Variants in ATP13A1 observed in about 807,000 individuals in gnomAD.
ATP13A1 encodes the protein ATPase 13A1, also known as endoplasmic reticulum transmembrane helix translocase.
Under a neutral mutation model 134.8 loss-of-function variants are expected in ATP13A1, and 55 were observed. The ratio of observed to expected loss-of-function variants is 0.41; its 90% CI spans 0.33 to 0.51. The LOEUF is 0.51. ATP13A1 is among the 20% of genes least tolerant of loss of function. The probability of loss-of-function intolerance (pLI) is 0.29; values close to 1 mark genes in which losing one functional copy is unlikely to be tolerated. For synonymous variants in ATP13A1, 775 were observed against 725.1 expected, an observed-to-expected ratio of 1.07 and a Z score of -1.10; for missense variants, 1,389 against 1,652.8, an observed-to-expected ratio of 0.84 and a Z score of 2.77.
rs1028999356 is a variant in ATP13A1 at position 19,655,859 on chromosome 19, C to T, written c.1269+19G>A. ...TCCAACTGCCCTGGGGCCCGCCCTC[C>T]CCAGACCTGGCCCCGCACCTGGGAT... On this transcript the variant is annotated intron_variant, in intron 9 of 25. Coordinates refer to ENST00000357324, the MANE Select transcript of ATP13A1 (RefSeq NM_020410.3). This position sits in a 1 kb window ranked among gnomAD's most constrained non-coding sequence, Gnocchi z 5.7. 7 of 1,571,332 alleles carry T rather than the reference C, an allele frequency of 4.5e-6. No individual in the cohort carries two copies. Among genetic ancestry groups the T allele is most frequent in the African/African-American group, 1.3e-5 (1 of 74,182 alleles).
In ATP13A1 at chr19:19,647,866, G is replaced by T; in HGVS notation, c.2633-107C>A. 7.2e-7 allele frequency: 1 copy of T among 1,386,254 alleles called. No individual in the cohort carries two copies. The allele number at this position is 1,386,254 out of a possible 1,614,324, so 85.9% of individuals were successfully genotyped here. A position where few individuals can be genotyped will look rare whatever the true frequency, so the allele number is the denominator to read the frequency against. On this transcript the variant is annotated intron_variant, in intron 19 of 25. Coordinates refer to ENST00000357324, the MANE Select transcript of ATP13A1 (RefSeq NM_020410.3). This position sits in a 1 kb window ranked among gnomAD's most constrained non-coding sequence, Gnocchi z 4.8. ...AAGTCCCCCAGCTGGCTCCCGTGAG[G>T]ACAGTTCCCAGACTTCCCCATTTCA...
At chr19:19,658,605 C>T (rs542273003) in intron 3 of ATP13A1, among the ~76,000 whole-genome samples, 2 of 152,252 alleles carry the variant, frequency 1.3e-5, no homozygotes, top group African/African-American at 2.4e-5. Context: ...GGTTGAGGAC[C>T]ATCGTAACAA....
Position 19,645,697 on chromosome 19 carries a change from A to G in ATP13A1, c.3454T>C (p.Ser1152Pro). The change falls in exon 25 of 26, where the codon TCC becomes CCC. Residue 1152 changes from serine to proline, a missense_variant. Around this residue, in one of 4 missense-constraint regions of ATP13A1, gnomAD observed 228 missense variants for 321.0 expected, o/e 0.71. Transcript: ENST00000357324. The surrounding 1 kb of genome is among the most constrained non-coding windows in gnomAD (Gnocchi z 4.1). ...LLAIIGLLLG[S>P]SPDFNSQFGL... ...AACTGGCTGTTGAAGTCGGGCGAGG[A>G]GCCGAGGAGCAGGCCAATGATGGCC... 2 of 1,582,570 alleles carry G rather than the reference A, an allele frequency of 1.3e-6. No homozygotes were observed. Among genetic ancestry groups the G allele is most frequent in the African/African-American group, 1.3e-5 (1 of 74,456 alleles).
chr19:19,662,396 T>C, intron 1 of ATP13A1: 3 of 981,474 alleles, frequency 3.1e-6, no homozygotes, highest in Non-Finnish European at 3.6e-6. Context: ...TAGCCCTTGA[T>C]GCTGTTCCCT....
rs892035 is a variant in ATP13A1 at position 19,647,381 on chromosome 19, T to C, written c.2908+33A>G. ...GTGGGTAGGGGTGCCAAGGGGGGAA[T>C]GAAGGGAGGGGGAGCGGGGGCAGGC... On this transcript the variant is annotated intron_variant, in intron 21 of 25. Transcript: ENST00000357324. This position sits in a 1 kb window ranked among gnomAD's most constrained non-coding sequence, Gnocchi z 4.8. 0.74 allele frequency: 1,177,375 copies of C among 1,589,988 alleles called. 436,377 individuals carry two copies. The highest frequency in any genetic ancestry group is 0.89 in the African/African-American group (65,307 of 73,314).
rs992240905 is a variant in ATP13A1 at position 19,647,386 on chromosome 19, G to A, written c.2908+28C>T. On this transcript the variant is annotated intron_variant, in intron 21 of 25. Transcript: ENST00000357324. This position sits in a 1 kb window ranked among gnomAD's most constrained non-coding sequence, Gnocchi z 4.8. ...TAGGGGTGCCAAGGGGGGAATGAAG[G>A]GAGGGGGAGCGGGGGCAGGCAACTC... 3 of 1,606,662 alleles carry A rather than the reference G, an allele frequency of 1.9e-6. No individual in the cohort carries two copies. The highest frequency in any genetic ancestry group is 1.7e-6 in the Non-Finnish European group (2 of 1,175,308).
rs780148950 is a variant in ATP13A1 at position 19,655,922 on chromosome 19, C to T, written c.1225G>A (p.Gly409Arg). Residue 409 changes from glycine (G) to arginine (R), a missense_variant, in exon 9 of 26, where the codon GGG becomes AGG. Around this residue, in one of 4 missense-constraint regions of ATP13A1, gnomAD observed 747 missense variants for 956.1 expected, o/e 0.78. Transcript: ENST00000357324. The surrounding 1 kb of genome is among the most constrained non-coding windows in gnomAD (Gnocchi z 5.7). The part of the protein sequence containing the change: ...ATTGLKPVDS[G>R]CVAYVLRTGF... ...GTCCGCAGGACGTAGGCCACGCACC[C>T]GCTGTCAACCGCTGGGGAGAGAAGC... 36 of 1,600,492 alleles carry T rather than the reference C, an allele frequency of 2.2e-5. No homozygotes were observed. The highest frequency in any genetic ancestry group is 2.8e-5 in the Non-Finnish European group (33 of 1,177,628).
rs1015659449 is a variant in ATP13A1, at chr19:19,662,194, CCCTTAACCCCT to C, written c.396+1066_396+1076del. 7 of 1,541,428 alleles carry C rather than the reference CCCTTAACCCCT, an allele frequency of 4.5e-6. No individual in the cohort carries two copies. In the African/African-American group the frequency reaches 9.6e-5, roughly 21 times the overall value. On this transcript the variant is annotated intron_variant, in intron 1 of 25. Transcript: ENST00000357324. ...CTGAAGTTTGAGCGGTGCCACAGTC[CCCTTAACCCCT>C]CCTTTATTTTGTCCCTCATTGGTGT...
intron 22 of ATP13A1, chr19:19,646,710 T>A: frequency 2.6e-6 from 1 of 388,878 alleles, no homozygotes; most frequent in Non-Finnish European, 4.8e-6. Flanking sequence ...CCATGCCTGT[T>A]TGGGGCCTTT....
rs773530917 is a variant in ATP13A1, at chr19:19,655,389, C to T, written c.1461G>A (p.Ser487=). 9 of 1,613,918 alleles carry T rather than the reference C, an allele frequency of 5.6e-6. No individual in the cohort carries two copies. Among genetic ancestry groups the T allele is most frequent in the South Asian group, 2.2e-5 (2 of 91,076 alleles). ...LFLECTLILT[S]VVPPELPIEL... ...CGATGGGCAGCTCAGGAGGCACGAC[C>T]GAGGTGAGGATCAGGGTGCACTCCA... The change falls in exon 11 of 26, where the codon TCG becomes TCA. Residue 487 remains serine (S), a synonymous_variant. Transcript: ENST00000357324. The surrounding 1 kb of genome is among the most constrained non-coding windows in gnomAD (Gnocchi z 5.7).
rs1359939019 is a variant in ATP13A1, at chr19:19,645,601, G to C, written c.3504+46C>G. On this transcript the variant is annotated intron_variant, in intron 25 of 25. Coordinates refer to ENST00000357324, the MANE Select transcript of ATP13A1 (RefSeq NM_020410.3). The surrounding 1 kb of genome is among the most constrained non-coding windows in gnomAD (Gnocchi z 4.1). ...AGCTCAGGGTCACTGCCATAGGAGG[G>C]ACCCATCAAGCTGAGCCCCAGGGTC... 1 of 1,560,492 alleles carries C rather than the reference G, an allele frequency of 6.4e-7. No homozygotes were observed. The highest frequency in any genetic ancestry group is 1.9e-5 in the Admixed American group (1 of 51,550).
rs755570871 is a variant in ATP13A1 at position 19,655,341 on chromosome 19, G to A, written c.1509C>T (p.Thr503=). ...LPIELSLAVN[T]SLIALAKLYM... ...AGAGCTTGGCCAGGGCGATGAGGGA[G>A]GTGTTGACGGCCAGGGACAGCTCGA... Residue 503 remains threonine (T), a synonymous_variant, in exon 11 of 26, where the codon ACC becomes ACT. Transcript: ENST00000357324. This position sits in a 1 kb window ranked among gnomAD's most constrained non-coding sequence, Gnocchi z 5.7. 1 of 1,613,998 alleles carries A rather than the reference G, an allele frequency of 6.2e-7. No individual in the cohort carries two copies. The highest frequency in any genetic ancestry group is 1.7e-5 in the Admixed American group (1 of 60,032).
At position 19,645,280 on chromosome 19, in the gene ATP13A1, T is replaced by C; in HGVS notation, c.*142A>G. The C allele has an allele frequency of 1.1e-6, 1 of 916,628 alleles. No individual in the cohort carries two copies. The allele number at this position is 916,628 out of a possible 1,614,324, so 56.8% of individuals were successfully genotyped here. A position where few individuals can be genotyped will look rare whatever the true frequency, so the allele number is the denominator to read the frequency against. ...TGCTGGCCAAGCCAGCGGATGGCTG[T>C]GGGGGTCCCAGCTCAGTCTTCCAAG... On this transcript the variant is annotated 3_prime_UTR_variant, in exon 26 of 26. Transcript: ENST00000357324. The surrounding 1 kb of genome is among the most constrained non-coding windows in gnomAD (Gnocchi z 4.1).
chr19:19,649,589 G>A lies in ATP13A1; in HGVS notation c.2610C>T (p.Gly870=), dbSNP rs147493363. The change falls in exon 19 of 26, where the codon GGC becomes GGT. Residue 870 remains glycine, a synonymous_variant. Coordinates refer to ENST00000357324, the MANE Select transcript of ATP13A1 (RefSeq NM_020410.3). ...LMCGDGTNDV[G]ALKHADVGVA... Reference sequence around the variant, plus strand: ...CACCCACGTCAGCATGCTTCAGGGCGCCCACGTCGTTGGTGCCATCCCCAC... The same window carrying A: ...CACCCACGTCAGCATGCTTCAGGGCACCCACGTCGTTGGTGCCATCCCCAC... 4.1e-4 allele frequency: 666 copies of A among 1,613,694 alleles called. 4 individuals are homozygous for A. The Admixed American group carries it at 5.7e-3, about 14-fold the overall frequency.
At chr19:19,648,412 G>A (rs1189315325) in intron 19 of ATP13A1, among the ~76,000 whole-genome samples, 1 of 150,418 alleles carries the variant, frequency 6.6e-6, no homozygotes, top group East Asian at 2.0e-4. Context: ...AAATGCTTTA[G>A]TAGATAAAAG....
At position 19,653,927 on chromosome 19, in the gene ATP13A1, C is replaced by CCCCGCG; in HGVS notation, c.1989+36_1990-34dup. The CCCCGCG allele has an allele frequency of 1.9e-6, 3 of 1,569,118 alleles. No individual in the cohort carries two copies. The highest frequency in any genetic ancestry group is 8.6e-7 in the Non-Finnish European group (1 of 1,157,832). On this transcript the variant is annotated intron_variant, in intron 14 of 25. Transcript: ENST00000357324. The surrounding 1 kb of genome is among the most constrained non-coding windows in gnomAD (Gnocchi z 4.2). ...GAATGCAGGGGGATGTCACGGGCTG[C>CCCCGCG]CCCGCGCCCCCACCCCTTGCCCCAG...
chr19:19,648,171 T>C (rs946203520), intron 19 of ATP13A1, among the ~76,000 whole-genome samples: 1 of 151,748 alleles, frequency 6.6e-6, no homozygotes, highest in Admixed American at 6.6e-5. Context: ...ATACAAAAAT[T>C]AGCCAGGGGT....
At position 19,656,222 on chromosome 19, in the gene ATP13A1, C is replaced by G; in HGVS notation, c.1084-39G>C. The G allele has an allele frequency of 6.4e-7, 1 of 1,563,266 alleles. No individual in the cohort carries two copies. On this transcript the variant is annotated intron_variant, in intron 7 of 25. Coordinates refer to ENST00000357324, the MANE Select transcript of ATP13A1 (RefSeq NM_020410.3). The surrounding 1 kb of genome is among the most constrained non-coding windows in gnomAD (Gnocchi z 4.6). ...TCGTGAATCTGGATGGCCAGGCCTA[C>G]CTTGCTTCCTTCTCCATCTGAGTTC...
chr19:19,652,073 G>C lies in ATP13A1; in HGVS notation c.2227-276C>G, dbSNP rs1294119037. 2.0e-5 allele frequency among the ~76,000 whole-genome samples: 3 copies of C among 152,212 alleles called. No homozygotes were observed. In the Middle Eastern group the frequency reaches 0.01, roughly 518 times the overall value. The stretch of plus-strand genomic sequence containing the variant: ...CCCTGAGGTGGACCCTTTTGGCTTG[G>C]TAGCTGCCCATGGGGGTAATATTTC... On this transcript the variant is annotated intron_variant, in intron 16 of 25. Transcript: ENST00000357324.
Sources: gnomAD v4.1 joint callset for allele counts (sites outside exome capture counted in the v4.1 genomes callset) on GRCh38, gnomAD v4.1.1 for gene constraint, gnomAD v4.1.1 regional missense constraint, Gnocchi (gnomAD v3.1) non-coding constraint, MANE v1.5 for transcripts, NCBI Gene and HGNC (gene_info 2026-07-23, HGNC 2026-07-21) for gene names.